Variants in FAT3 observed in about 807,000 individuals in gnomAD.
FAT3 encodes protocadherin Fat 3.
In FAT3, 95 loss-of-function variants were observed where a neutral mutation model predicts 310.2. The observed-to-expected ratio is 0.31, with a 90% CI of 0.26 to 0.36. The LOEUF (loss-of-function observed/expected upper bound fraction) is 0.36, where lower values mean the gene tolerates loss of function less well. Among genes scored for constraint, FAT3 ranks in the 10% least tolerant of loss-of-function variants. The pLI is 1.00. For synonymous variants in FAT3, 2,314 were observed against 2,192.9 expected (o/e 1.06, Z -1.54); for missense variants, 5,408 against 5,715.6 (o/e 0.95, Z 1.74).
intron 1 of FAT3, among the ~76,000 whole-genome samples, chr11:92,258,799 G>C (rs1865418417): frequency 6.6e-6 from 1 of 152,036 alleles, no homozygotes; most frequent in Admixed American, 6.6e-5. Flanking sequence ...TGCAGTAGAG[G>C]CTGGTGAGTT....
At chr11:92,887,473 C>T (rs1378138198) in intron 25 of FAT3, among the ~76,000 whole-genome samples, 2 of 152,154 alleles carry the variant, frequency 1.3e-5, no homozygotes, top group Non-Finnish European at 2.9e-5. Flanking sequence ...GATCTCTTCC[C>T]TCTTCACTGT....
intron 3 of FAT3, among the ~76,000 whole-genome samples, chr11:92,663,882 A>G (rs759784540): frequency 7.2e-5 from 11 of 152,172 alleles, no homozygotes; most frequent in Admixed American, 6.5e-5. Context: ...AACTTTTAGC[A>G]TCTTTTGAGA....
rs922502817 is a variant in FAT3 at position 92,836,685 on chromosome 11, G to A, written c.10206G>A (p.Lys3402=). The A allele has an allele frequency of 6.2e-7, 1 of 1,613,362 alleles. No individual in the cohort carries two copies. The highest frequency in any genetic ancestry group is 1.1e-5 in the South Asian group (1 of 90,950). The part of the protein sequence containing the change: ...DPVLGLVKVK[K]KLDRERVSGY... ...TCTTGGGACTTGTGAAAGTTAAGAA[G>A]AAATTGGACCGGGAACGGGTAAGCT... is the stretch of plus-strand genomic sequence containing the variant. The change falls in exon 16 of 28, where the codon AAG becomes AAA. Residue 3402 remains lysine (K), a synonymous_variant. Transcript: ENST00000525166.
At chr11:92,529,758 C>T (rs1954004631) in intron 3 of FAT3, among the ~76,000 whole-genome samples, 1 of 152,170 alleles carries the variant, frequency 6.6e-6, no homozygotes, top group South Asian at 2.1e-4. Context: ...GGTTCACTGT[C>T]CAGGGCATGG....
rs141023608 is a variant in FAT3 at position 92,596,126 on chromosome 11, T to C, written c.3607+71178T>C. Among the ~76,000 whole-genome samples, 1,247 of 152,300 alleles carry C rather than the reference T, an allele frequency of 8.2e-3. 4 individuals carry two copies. The highest frequency in any genetic ancestry group is 0.013 in the Non-Finnish European group (908 of 68,020). The stretch of plus-strand genomic sequence containing the variant: ...CCACTTTTTTGGTTAAGAAATACAC[T>C]ACATTTTTGCATATGTTTTCCTTTT... On this transcript the variant is annotated intron_variant, in intron 3 of 27. Transcript: ENST00000525166.
intron 2 of FAT3, among the ~76,000 whole-genome samples, chr11:92,505,985 T>G (rs555447720): frequency 4.3e-4 from 65 of 152,044 alleles, no homozygotes; most frequent in Admixed American, 1.2e-3. Context: ...ACACCATAAT[T>G]AAGGTCACGT....
At position 92,844,709 on chromosome 11, in the gene FAT3, G is replaced by A. The variant is rs2136292693; in HGVS notation, c.11342G>A (p.Arg3781Lys). 1 of 1,556,580 alleles carries A rather than the reference G, an allele frequency of 6.4e-7. No homozygotes were observed. The highest frequency in any genetic ancestry group is 8.7e-7 in the Non-Finnish European group (1 of 1,145,296). ...RISFVCPRFY[R>K]NVRCTCNGGL... is the part of the protein sequence containing the mutation. ...AGCTTTGTGTGTCCGCGTTTCTACA[G>A]GAACGTGCGTTGCACCTGCAATGGT... The change falls in exon 19 of 28, where the codon AGG becomes AAG. Residue 3781 changes from arginine to lysine, a missense_variant. Coordinates refer to ENST00000525166, the MANE Select transcript of FAT3 (RefSeq NM_001367949.2).
intron 1 of FAT3, among the ~76,000 whole-genome samples, chr11:92,226,584 C>A (rs1019500864): frequency 6.6e-6 from 1 of 151,406 alleles, no homozygotes; most frequent in Non-Finnish European, 1.5e-5. Context: ...TCAAACCAGG[C>A]GGTGGAGAGG....
chr11:92,748,588 A>G (rs1332992640), intron 4 of FAT3: 2 of 152,172 alleles, frequency 1.3e-5, no homozygotes, highest in South Asian at 2.1e-4. Flanking sequence ...TATTCAACAT[A>G]GTAAGTATAC....
rs371562075 is a variant in FAT3, at chr11:92,231,156, G to C, written c.-18+5982G>C. Among the ~76,000 whole-genome samples the C allele has an allele frequency of 9.2e-5, 14 of 152,236 alleles. No homozygotes were observed. The East Asian group carries it at 2.1e-3, about 23-fold the overall frequency. On this transcript the variant is annotated intron_variant, in intron 1 of 27. Coordinates refer to ENST00000525166, the MANE Select transcript of FAT3 (RefSeq NM_001367949.2). ...CTTTTAGGATTTTTGAATGTGTCTG[G>C]GAGCCTGCATGCAGGTGCACATGGT...
At chr11:92,554,394 GGAGCTTGCAGT>G (rs1371909327) in intron 3 of FAT3, among the ~76,000 whole-genome samples, 1 of 146,242 alleles carries the variant, frequency 6.8e-6, no homozygotes, top group Non-Finnish European at 1.5e-5. Flanking sequence ...CCTGGGAGGC[GGAGCTTGCAGT>G]GAGCCGAGAT....
chr11:92,492,522 G>A (rs1035094513), intron 2 of FAT3, among the ~76,000 whole-genome samples: 2 of 152,022 alleles, frequency 1.3e-5, no homozygotes, highest in Non-Finnish European at 2.9e-5. Context: ...CTAAATAAAT[G>A]GTAGCTTTAT....
intron 3 of FAT3, among the ~76,000 whole-genome samples, chr11:92,695,898 G>A (rs186483201): frequency 3.5e-4 from 53 of 152,242 alleles, no homozygotes; most frequent in African/African-American, 1.3e-3. Flanking sequence ...TAACATCTGA[G>A]CTAAACTTAA....
intron 1 of FAT3, among the ~76,000 whole-genome samples, chr11:92,225,641 A>ACTT (rs1863873524): frequency 6.6e-6 from 1 of 152,044 alleles, no homozygotes; most frequent in Admixed American, 6.6e-5. Flanking sequence ...CCCGAGGTGC[A>ACTT]AGTTGGGTCA....
At chr11:92,408,815 G>A (rs895853861) in intron 2 of FAT3, among the ~76,000 whole-genome samples, 2 of 152,108 alleles carry the variant, frequency 1.3e-5, no homozygotes, top group Non-Finnish European at 2.9e-5. Context: ...TGGAAATTAC[G>A]GCATAGCGAT....
At chr11:92,270,518 A>C (rs148474100) in intron 1 of FAT3, among the ~76,000 whole-genome samples, 11 of 150,824 alleles carry the variant, frequency 7.3e-5, no homozygotes, top group Non-Finnish European at 5.9e-5. Context: ...GTCTCTAATA[A>C]AAATACAAAA....
intron 3 of FAT3, among the ~76,000 whole-genome samples, chr11:92,611,807 A>C (rs188258842): frequency 6.6e-6 from 1 of 152,220 alleles, no homozygotes; most frequent in African/African-American, 2.4e-5. Context: ...TAAAAAGGCC[A>C]AAAAGGCCAA....
At chr11:92,511,338 C>T (rs959957043) in intron 2 of FAT3, among the ~76,000 whole-genome samples, 3 of 151,874 alleles carry the variant, frequency 2.0e-5, no homozygotes, top group Middle Eastern at 3.4e-3. Flanking sequence ...TTATTTTGTC[C>T]GGTGATCACA....
chr11:92,620,765 C>T (rs1228114988), intron 3 of FAT3, among the ~76,000 whole-genome samples: 1 of 152,018 alleles, frequency 6.6e-6, no homozygotes, highest in African/African-American at 2.4e-5. Flanking sequence ...ATTCAGACTG[C>T]TGTAACGGAA....
Sources: allele counts gnomAD v4.1 joint callset (sites outside exome capture counted in the v4.1 genomes callset), GRCh38; gene constraint gnomAD v4.1.1; transcripts MANE v1.5; gene names NCBI Gene and HGNC (gene_info 2026-07-23, HGNC 2026-07-21).